The following STX11 variants were observed in gnomAD, a reference collection of about 807,000 sequenced individuals.
STX11 encodes the protein syntaxin 11, also known as syntaxin-11.
STX11 carries 21 observed loss-of-function variants against 19.9 expected under a neutral mutation model. That is an observed-to-expected ratio of 1.06 (90% CI 0.75 to 1.52). The LOEUF (loss-of-function observed/expected upper bound fraction) is 1.52, where lower values mean the gene tolerates loss of function less well. Among genes scored for constraint, STX11 ranks in the 40% most tolerant of loss-of-function variants. The pLI is 0.00. For missense variants in STX11, 438 were observed against 405.9 expected, an observed-to-expected ratio of 1.08 and a Z score of -0.68; for synonymous variants, 193 against 174.4, an observed-to-expected ratio of 1.11 and a Z score of -0.84.
At position 144,176,789 on chromosome 6, in the gene STX11, G is replaced by C. The variant is rs1801788765; in HGVS notation, c.-5-9834G>C. On this transcript the variant is annotated intron_variant, in intron 1 of 1. Coordinates refer to ENST00000367568, the MANE Select transcript of STX11 (RefSeq NM_003764.4). This position sits in a 1 kb window ranked among gnomAD's most constrained non-coding sequence, Gnocchi z 4.1. ...TGTCTAATGCCCTGTTTTTTAAAAAGCAAGGAAGTGTGTCCAGGCATTTTA... is the reference window on the plus strand; with the variant it reads ...TGTCTAATGCCCTGTTTTTTAAAAACCAAGGAAGTGTGTCCAGGCATTTTA... Among the ~76,000 whole-genome samples the C allele has an allele frequency of 6.6e-6, 1 of 152,180 alleles. No individual in the cohort carries two copies. Among genetic ancestry groups the C allele is most frequent in the African/African-American group, 2.4e-5 (1 of 41,442 alleles).
chr6:144,152,883 C>T lies in STX11; in HGVS notation c.-6+2180C>T, dbSNP rs1254187206. ...TGCTGACCTCAGGTGATCTGCTTGC[C>T]TTGGCCTCCCAAAGTGCTGGGATTG... On this transcript the variant is annotated intron_variant, in intron 1 of 1. Transcript: ENST00000367568. This position sits in a 1 kb window ranked among gnomAD's most constrained non-coding sequence, Gnocchi z 4.9. Among the ~76,000 whole-genome samples the T allele has an allele frequency of 1.3e-5, 2 of 152,258 alleles. No individual in the cohort carries two copies. Among genetic ancestry groups the T allele is most frequent in the African/African-American group, 4.8e-5 (2 of 41,472 alleles).
chr6:144,140,247 TA>T, the STX11 span, among the ~76,000 whole-genome samples: 23 of 46,354 alleles, frequency 5.0e-4, no homozygotes, highest in African/African-American at 2.5e-3. Flanking sequence ...TATATATATA[TA>T]TATATATTTA....
Position 144,151,697 on chromosome 6 carries a change from G to T in STX11, c.-6+994G>T, listed in dbSNP as rs1157082836. Among the ~76,000 whole-genome samples the T allele has an allele frequency of 1.3e-5, 2 of 152,196 alleles. No individual in the cohort carries two copies. The highest frequency in any genetic ancestry group is 2.4e-5 in the African/African-American group (1 of 41,444). On this transcript the variant is annotated intron_variant, in intron 1 of 1. Coordinates refer to ENST00000367568, the MANE Select transcript of STX11 (RefSeq NM_003764.4). This position sits in a 1 kb window ranked among gnomAD's most constrained non-coding sequence, Gnocchi z 4.6. ...TTCATTATTCAATGACCATTTTGCT[G>T]TCATTTTCACTGCATGGGAGAAAGG...
Position 144,159,763 on chromosome 6 carries a change from C to G in STX11, c.-6+9060C>G, listed in dbSNP as rs1801286239. On this transcript the variant is annotated intron_variant, in intron 1 of 1. Transcript: ENST00000367568. This position sits in a 1 kb window ranked among gnomAD's most constrained non-coding sequence, Gnocchi z 4.3. ...ATCACAGCCTTTTAAAAATTAATCT[C>G]AAGGATCTGATTACTACGGCCTAGG... Among the ~76,000 whole-genome samples the G allele has an allele frequency of 6.6e-6, 1 of 152,132 alleles. No homozygotes were observed. The highest frequency in any genetic ancestry group is 6.5e-5 in the Admixed American group (1 of 15,284).
At position 144,191,731 on chromosome 6, in the gene STX11, C is replaced by A. The variant is rs143040787; in HGVS notation, c.*4240C>A. The stretch of plus-strand genomic sequence containing the variant: ...TGTAATCAGAGCAACAGTTGACTTC[C>A]TTTTGATAGCGGAGTTGAAAATCAT... On this transcript the variant is annotated 3_prime_UTR_variant, in exon 2 of 2. Transcript: ENST00000367568. 6.6e-6 allele frequency among the ~76,000 whole-genome samples: 1 copy of A among 152,208 alleles called. No homozygotes were observed. Among genetic ancestry groups the A allele is most frequent in the Admixed American group, 6.5e-5 (1 of 15,282 alleles).
rs1801806980 is a variant in STX11 at position 144,177,596 on chromosome 6, A to C, written c.-5-9027A>C. ...ACCCCATCTCTACTAAAAACACACA[A>C]AAAATTAGCCGGGTGTGGTGGTGCA... is the stretch of plus-strand genomic sequence containing the variant. On this transcript the variant is annotated intron_variant, in intron 1 of 1. Coordinates refer to ENST00000367568, the MANE Select transcript of STX11 (RefSeq NM_003764.4). The surrounding 1 kb of genome is among the most constrained non-coding windows in gnomAD (Gnocchi z 4.4). Among the ~76,000 whole-genome samples the C allele has an allele frequency of 6.6e-6, 1 of 152,126 alleles. No individual in the cohort carries two copies. The highest frequency in any genetic ancestry group is 2.4e-5 in the African/African-American group (1 of 41,408).
chr6:144,163,583 T>G (rs1801401719), intron 1 of STX11, among the ~76,000 whole-genome samples: 1 of 152,112 alleles, frequency 6.6e-6, no homozygotes, highest in South Asian at 2.1e-4. Flanking sequence ...GCTCAAGTGA[T>G]TCTCCCTGCC....
At chr6:144,142,607 T>C in the STX11 span, among the ~76,000 whole-genome samples, 3 of 152,256 alleles carry the variant, frequency 2.0e-5, no homozygotes, top group South Asian at 6.2e-4. Context: ...ATCATGTCAT[T>C]TGCAGCAAAA....
In STX11 at chr6:144,177,950, ACT is replaced by A. The variant is rs1036645712; in HGVS notation, c.-5-8670_-5-8669del. Among the ~76,000 whole-genome samples the A allele has an allele frequency of 4.6e-5, 7 of 152,094 alleles. No individual in the cohort carries two copies. Among genetic ancestry groups the A allele is most frequent in the Admixed American group, 2.6e-4 (4 of 15,270 alleles). Reference sequence around the variant, plus strand: ...ACTGAAGTGTTGCAATGTTGGGGAAACTCTGATATGAAGAAATTTGTGTGGGA... The same window carrying A: ...ACTGAAGTGTTGCAATGTTGGGGAAACTGATATGAAGAAATTTGTGTGGGA... On this transcript the variant is annotated intron_variant, in intron 1 of 1. Transcript: ENST00000367568. The surrounding 1 kb of genome is among the most constrained non-coding windows in gnomAD (Gnocchi z 4.4).
Position 144,165,708 on chromosome 6 carries a change from T to G in STX11, c.-6+15005T>G, listed in dbSNP as rs73778549. On this transcript the variant is annotated intron_variant, in intron 1 of 1. Transcript: ENST00000367568. The surrounding 1 kb of genome is among the most constrained non-coding windows in gnomAD (Gnocchi z 5.8). ...CATGCTTCCAAAGGAGTGGTACTTA[T>G]AGTATCTTCAATAAGCTACCTGATA... Among the ~76,000 whole-genome samples the G allele has an allele frequency of 6.6e-6, 1 of 152,220 alleles. No homozygotes were observed. Among genetic ancestry groups the G allele is most frequent in the Non-Finnish European group, 1.5e-5 (1 of 68,030 alleles).
rs1403920516 is a variant in STX11 at position 144,155,068 on chromosome 6, G to C, written c.-6+4365G>C. On this transcript the variant is annotated intron_variant, in intron 1 of 1. Transcript: ENST00000367568. The surrounding 1 kb of genome is among the most constrained non-coding windows in gnomAD (Gnocchi z 4.5). ...AATCAGGGACTAAGAATTGATCTAG[G>C]AAGAAACTGGAATAATCAGACCTTT... Among the ~76,000 whole-genome samples the C allele has an allele frequency of 6.6e-6, 1 of 152,118 alleles. No homozygotes were observed. Among genetic ancestry groups the C allele is most frequent in the East Asian group, 1.9e-4 (1 of 5,190 alleles).
Position 144,184,828 on chromosome 6 carries a change from T to C in STX11, c.-5-1795T>C, listed in dbSNP as rs1181998745. Among the ~76,000 whole-genome samples the C allele has an allele frequency of 2.0e-5, 3 of 152,254 alleles. No homozygotes were observed. The highest frequency in any genetic ancestry group is 4.4e-5 in the Non-Finnish European group (3 of 68,044). ...CTTCTCTGAATTGCTTCACTGTCTT[T>C]GGGTAAGTAGATTTTTTGGTAGCTT... On this transcript the variant is annotated intron_variant, in intron 1 of 1. Transcript: ENST00000367568. The surrounding 1 kb of genome is among the most constrained non-coding windows in gnomAD (Gnocchi z 6.5).
Position 144,187,650 on chromosome 6 carries a change from C to A in STX11, c.*159C>A. On this transcript the variant is annotated 3_prime_UTR_variant, in exon 2 of 2. Coordinates refer to ENST00000367568, the MANE Select transcript of STX11 (RefSeq NM_003764.4). The surrounding 1 kb of genome is among the most constrained non-coding windows in gnomAD (Gnocchi z 5.6). ...CCAGGTTCAAGAATTGCAAACCAGCCTGTGCTTGGAAAGATGGTTAGTTGA... is the reference window on the plus strand; with the variant it reads ...CCAGGTTCAAGAATTGCAAACCAGCATGTGCTTGGAAAGATGGTTAGTTGA... 1 of 951,566 alleles carries A rather than the reference C, an allele frequency of 1.1e-6. No homozygotes were observed. The highest frequency in any genetic ancestry group is 1.6e-5 in the South Asian group (1 of 62,164). The allele number at this position is 951,566 out of a possible 1,614,324, so 58.9% of individuals were successfully genotyped here.
intron 1 of STX11, among the ~76,000 whole-genome samples, chr6:144,178,689 C>T (rs1455948093): frequency 6.6e-6 from 1 of 152,204 alleles, no homozygotes; most frequent in Non-Finnish European, 1.5e-5. Context: ...AAACAAGAGA[C>T]ATTTAAAAAT....
rs1801603448 is a variant in STX11, at chr6:144,170,604, T to C, written c.-5-16019T>C. Among the ~76,000 whole-genome samples the C allele has an allele frequency of 9.1e-5, 13 of 143,030 alleles. No individual in the cohort carries two copies. The highest frequency in any genetic ancestry group is 9.0e-4 in the Admixed American group (13 of 14,456). 93.8% of individuals were successfully genotyped at this position (143,030 alleles called of 152,430 possible). A position where few individuals can be genotyped will look rare whatever the true frequency, so the allele number is the denominator to read the frequency against. On this transcript the variant is annotated intron_variant, in intron 1 of 1. Coordinates refer to ENST00000367568, the MANE Select transcript of STX11 (RefSeq NM_003764.4). The surrounding 1 kb of genome is among the most constrained non-coding windows in gnomAD (Gnocchi z 4.7). ...AATGCTCAATCTGTATTATTATTATTATATTTTACAAAGAGCATGGGTTGC... is the reference window on the plus strand; with the variant it reads ...AATGCTCAATCTGTATTATTATTATCATATTTTACAAAGAGCATGGGTTGC...
rs548084247 is a variant in STX11 at position 144,189,195 on chromosome 6, G to T, written c.*1704G>T. ...GTGCCACCATGCCCGGCTAATTTTTGTATTTTCTGTAGAGACAGGGTTTGC... is the reference window on the plus strand; with the variant it reads ...GTGCCACCATGCCCGGCTAATTTTTTTATTTTCTGTAGAGACAGGGTTTGC... On this transcript the variant is annotated 3_prime_UTR_variant, in exon 2 of 2. Transcript: ENST00000367568. Among the ~76,000 whole-genome samples the T allele has an allele frequency of 1.3e-5, 2 of 152,192 alleles. No homozygotes were observed. The highest frequency in any genetic ancestry group is 3.9e-4 in the East Asian group (2 of 5,162).
At position 144,177,350 on chromosome 6, in the gene STX11, T is replaced by C. The variant is rs1480799566; in HGVS notation, c.-5-9273T>C. On this transcript the variant is annotated intron_variant, in intron 1 of 1. Coordinates refer to ENST00000367568, the MANE Select transcript of STX11 (RefSeq NM_003764.4). The surrounding 1 kb of genome is among the most constrained non-coding windows in gnomAD (Gnocchi z 4.4). ...CAGATGTAAGAGTTACAACAACTGT[T>C]TTAGTTTGTAAATACTAATAGAGAT... Among the ~76,000 whole-genome samples, 1 of 152,220 alleles carries C rather than the reference T, an allele frequency of 6.6e-6. No individual in the cohort carries two copies. The highest frequency in any genetic ancestry group is 2.4e-5 in the African/African-American group (1 of 41,450).
chr6:144,189,437 AGT>A lies in STX11; in HGVS notation c.*1947_*1948del, dbSNP rs1802158738. Among the ~76,000 whole-genome samples the A allele has an allele frequency of 6.6e-6, 1 of 152,168 alleles. No individual in the cohort carries two copies. Among genetic ancestry groups the A allele is most frequent in the South Asian group, 2.1e-4 (1 of 4,834 alleles). On this transcript the variant is annotated 3_prime_UTR_variant, in exon 2 of 2. Coordinates refer to ENST00000367568, the MANE Select transcript of STX11 (RefSeq NM_003764.4). ...TGAGGGTGTCTTGCTTTCTCTCCTGAGTTACAATACTTTAGCAAAATCATGAG... is the reference window on the plus strand; with the variant it reads ...TGAGGGTGTCTTGCTTTCTCTCCTGATACAATACTTTAGCAAAATCATGAG...
In STX11 at chr6:144,187,373, T is replaced by A. The variant is rs764649306; in HGVS notation, c.746T>A (p.Val249Glu). Residue 249 changes from valine (V) to glutamate (E), a missense_variant, in exon 2 of 2, where the codon GTA becomes GAA. By Grantham distance (121) the Val-to-Glu change is moderately radical (BLOSUM62 -2). Transcript: ENST00000367568. This position sits in a 1 kb window ranked among gnomAD's most constrained non-coding sequence, Gnocchi z 5.6. The part of the protein sequence containing the change: ...ADTLNVIELN[V>E]QKTVDYTGQA... ...ACCCTGAACGTCATCGAGCTCAACGTACAAAAGACGGTCGACTACACCGGC... is the reference window on the plus strand; with the variant it reads ...ACCCTGAACGTCATCGAGCTCAACGAACAAAAGACGGTCGACTACACCGGC... 86 of 1,610,446 alleles carry A rather than the reference T, an allele frequency of 5.3e-5. 3 individuals are homozygous for A. In the South Asian group the frequency reaches 9.2e-4, roughly 17 times the overall value.
Sources: gnomAD v4.1 joint callset for allele counts (sites outside exome capture counted in the v4.1 genomes callset) on GRCh38, gnomAD v4.1.1 for gene constraint, Gnocchi (gnomAD v3.1) non-coding constraint, MANE v1.5 for transcripts, NCBI Gene and HGNC (gene_info 2026-07-23, HGNC 2026-07-21) for gene names.